The following ALDH16A1 variants were observed in gnomAD, a reference collection of about 807,000 sequenced individuals.
ALDH16A1 encodes aldehyde dehydrogenase family 16 member A1.
A neutral mutation model predicts 96.1 loss-of-function variants in ALDH16A1; 88 were observed. The observed-to-expected ratio is 0.92, with a 90% CI of 0.77 to 1.09. The LOEUF is 1.09. ALDH16A1 is among the 50% of genes least tolerant of loss of function. The probability of loss-of-function intolerance (pLI) is 0.00; values close to 1 mark genes in which losing one functional copy is unlikely to be tolerated. For synonymous variants in ALDH16A1, 522 were observed against 496.4 expected (o/e 1.05, Z -0.69); for missense variants, 1,250 against 1,112.6 (o/e 1.12, Z -1.76).
rs1321415833 is a variant in ALDH16A1, at chr19:49,458,978, G to T, written c.212G>T (p.Cys71Phe). 1 of 1,613,176 alleles carries T rather than the reference G, an allele frequency of 6.2e-7. No individual in the cohort carries two copies. Among genetic ancestry groups the T allele is most frequent in the African/African-American group, 1.3e-5 (1 of 75,030 alleles). The change falls in exon 3 of 17, where the codon TGC becomes TTC. Residue 71 changes from cysteine (C) to phenylalanine (F), a missense_variant. Coordinates refer to ENST00000293350, the MANE Select transcript of ALDH16A1 (RefSeq NM_153329.4). ...DPITGENLAS[C>F]LQAQAEDVAA... ...TCCCCAGGAGAGAACTTGGCCAGTT[G>T]CCTGCAGGCACAGGCCGAGGATGTG...
chr19:49,454,031 G>GTTTTTTTTTTTTTTTTTTT (rs3033555), intron 1 of ALDH16A1, among the ~76,000 whole-genome samples: 2 of 135,184 alleles, frequency 1.5e-5, no homozygotes, highest in Non-Finnish European at 3.1e-5. Context: ...TTTTTTTTTT[G>GTTTTTTTTTTTTTTTTTTT]TTTTTTTTTT....
rs1053483408 is a variant in ALDH16A1, at chr19:49,468,021, A to G, written c.1939-360A>G. ...TACAAAAAAAAAAAATTAGCCGGGC[A>G]TGGTGGCAGGTGCCTGTAGTCTCAG... is the stretch of plus-strand genomic sequence containing the variant. On this transcript the variant is annotated intron_variant, in intron 14 of 16. Coordinates refer to ENST00000293350, the MANE Select transcript of ALDH16A1 (RefSeq NM_153329.4). The surrounding 1 kb of genome is among the most constrained non-coding windows in gnomAD (Gnocchi z 4.4). Among the ~76,000 whole-genome samples the G allele has an allele frequency of 3.3e-5, 5 of 151,726 alleles. No individual in the cohort carries two copies. The highest frequency in any genetic ancestry group is 9.7e-5 in the African/African-American group (4 of 41,404).
intron 1 of ALDH16A1, among the ~76,000 whole-genome samples, chr19:49,458,277 T>G (rs1166072846): frequency 6.6e-6 from 1 of 152,244 alleles, no homozygotes. Flanking sequence ...CACAACACTG[T>G]AAATGCACAG....
At chr19:49,465,083 G>T (rs1047746220) in intron 12 of ALDH16A1, among the ~76,000 whole-genome samples, 9 of 151,228 alleles carry the variant, frequency 6.0e-5, no homozygotes. Flanking sequence ...GCTCATGGGA[G>T]CAGAAACTTG....
At chr19:49,467,544 A>T (rs1272748118) in intron 14 of ALDH16A1, among the ~76,000 whole-genome samples, 1 of 150,230 alleles carries the variant, frequency 6.7e-6, no homozygotes, top group East Asian at 2.0e-4. Flanking sequence ...ACAGGTGCCC[A>T]CCACCACACC....
Position 49,466,247 on chromosome 19 carries a change from G to A in ALDH16A1, c.1902G>A (p.Trp634Ter). The A allele has an allele frequency of 2.0e-6, 3 of 1,481,802 alleles. No homozygotes were observed. The highest frequency in any genetic ancestry group is 2.7e-5 in the South Asian group (2 of 72,844). 91.8% of individuals were successfully genotyped at this position (1,481,802 alleles called of 1,614,324 possible). A position where few individuals can be genotyped will look rare whatever the true frequency, so the allele number is the denominator to read the frequency against. Residue 634 changes from tryptophan (W) to a stop codon, truncating the protein, a stop_gained, in exon 14 of 17, where the codon TGG (tryptophan) becomes TGA (stop). Transcript: ENST00000293350. LOFTEE classifies it high-confidence loss of function. The part of the protein sequence containing the change: ...VELSARRLRA[W>*]GARVQAQGHT... The stretch of plus-strand genomic sequence containing the variant: ...TGAGCGCAAGACGACTTCGGGCGTG[G>A]GGGGCCCGGGTGCAGGCCCAAGGCC...
At position 49,462,595 on chromosome 19, in the gene ALDH16A1, A is replaced by C. The variant is rs761695609; in HGVS notation, c.938A>C (p.Glu313Ala). ...GPGGLRLLIQ[E>A]SVWDEAMRRL... The stretch of plus-strand genomic sequence containing the variant: ...GGTGGCCTCAGGCTCCTCATCCAGG[A>C]GTCTGTGTGGGATGAAGCCATGAGA... The change falls in exon 8 of 17, where the codon GAG (glutamate) becomes GCG (alanine). Residue 313 changes from glutamate (E) to alanine (A), a missense_variant. Glu to Ala is a moderately radical substitution (Grantham distance 107, BLOSUM62 -1). Coordinates refer to ENST00000293350, the MANE Select transcript of ALDH16A1 (RefSeq NM_153329.4). 28 of 1,612,750 alleles carry C rather than the reference A, an allele frequency of 1.7e-5. No individual in the cohort carries two copies. Among genetic ancestry groups the C allele is most frequent in the Non-Finnish European group, 2.3e-5 (27 of 1,179,894 alleles).
rs755693157 is a variant in ALDH16A1, at chr19:49,463,935, T to G, written c.1180T>G (p.Cys394Gly). 2 of 1,610,224 alleles carry G rather than the reference T, an allele frequency of 1.2e-6. No individual in the cohort carries two copies. The highest frequency in any genetic ancestry group is 1.1e-5 in the South Asian group (1 of 90,566). ...LVSNLPPASP[C>G]AQVEVPWPVV... ...CTCCAACCTGCCCCCAGCCTCCCCATGTGCCCAGGTGGAGGTGAGACCCTT... is the reference window on the plus strand; with the variant it reads ...CTCCAACCTGCCCCCAGCCTCCCCAGGTGCCCAGGTGGAGGTGAGACCCTT... Residue 394 changes from cysteine to glycine, a missense_variant, in exon 9 of 17, where the codon TGT (cysteine) becomes GGT (glycine). Physicochemically the swap from Cys to Gly is radical, Grantham distance 159 (BLOSUM62 -3). Coordinates refer to ENST00000293350, the MANE Select transcript of ALDH16A1 (RefSeq NM_153329.4).
chr19:49,462,254 C>T (rs1391875304), intron 7 of ALDH16A1, among the ~76,000 whole-genome samples: 2 of 82,000 alleles, frequency 2.4e-5, no homozygotes, highest in Non-Finnish European at 5.3e-5. Context: ...GCTGCCTCAG[C>T]CTCCCGAGTA....
At chr19:49,465,983 G>A in intron 13 of ALDH16A1, 78 bp downstream of exon 13, 16 of 1,551,918 alleles carry the variant, frequency 1.0e-5, no homozygotes, top group Non-Finnish European at 1.4e-5. Flanking sequence ...TGGTGGACTG[G>A]GAGGCTGGGC....
Position 49,461,820 on chromosome 19 carries a change from C to A in ALDH16A1, c.759+20C>A. The A allele has an allele frequency of 6.2e-7, 1 of 1,606,332 alleles. No homozygotes were observed. The highest frequency in any genetic ancestry group is 8.5e-7 in the Non-Finnish European group (1 of 1,176,748). ...CCGGAGGTACCTTCGGGACAGGGGT[C>A]GTGGCGGAACGCGGCTGGGGGCCGC... On this transcript the variant is annotated intron_variant, in intron 6 of 16. Transcript: ENST00000293350.
rs1227360287 is a variant in ALDH16A1, at chr19:49,465,750, C to G, written c.1581C>G (p.Pro527=). ...CACCCTACTCCAGCCCAGCACCCCC[C>G]TATGGGCTCTTCGTTGGGGGCCGTT... The part of the protein sequence containing the change: ...GPEIGPSPAP[P]YGLFVGGRFQ... The change falls in exon 13 of 17, where the codon CCC becomes CCG. Residue 527 remains proline (P), a synonymous_variant. Coordinates refer to ENST00000293350, the MANE Select transcript of ALDH16A1 (RefSeq NM_153329.4). 6.2e-7 allele frequency: 1 copy of G among 1,613,614 alleles called. No homozygotes were observed. The highest frequency in any genetic ancestry group is 1.3e-5 in the African/African-American group (1 of 74,932).
intron 1 of ALDH16A1, among the ~76,000 whole-genome samples, chr19:49,458,242 T>C (rs1308248721): frequency 6.6e-6 from 1 of 151,964 alleles, no homozygotes; most frequent in East Asian, 1.9e-4. Flanking sequence ...GAAAAAATGT[T>C]CTAGAACTAG....
chr19:49,468,343 G>A lies in ALDH16A1; in HGVS notation c.1939-38G>A, dbSNP rs1229778903. The A allele has an allele frequency of 1.3e-6, 2 of 1,584,928 alleles. No individual in the cohort carries two copies. Among genetic ancestry groups the A allele is most frequent in the South Asian group, 2.2e-5 (2 of 89,862 alleles). On this transcript the variant is annotated intron_variant, in intron 14 of 16. Transcript: ENST00000293350. The surrounding 1 kb of genome is among the most constrained non-coding windows in gnomAD (Gnocchi z 4.4). Reference sequence around the variant, plus strand: ...GGATCTCTCATTTACTGCGGGCGGGGCTCCCCTGCCCCACACGTGACCCAC... The same window carrying A: ...GGATCTCTCATTTACTGCGGGCGGGACTCCCCTGCCCCACACGTGACCCAC...
rs1601039806 is a variant in ALDH16A1, at chr19:49,466,219, A to G, written c.1874A>G (p.Glu625Gly). 6.6e-7 allele frequency: 1 copy of G among 1,521,058 alleles called. No individual in the cohort carries two copies. Among genetic ancestry groups the G allele is most frequent in the Non-Finnish European group, 8.8e-7 (1 of 1,135,320 alleles). The allele number at this position is 1,521,058 out of a possible 1,614,324, so 94.2% of individuals were successfully genotyped here. Residue 625 changes from glutamate (E) to glycine (G), a missense_variant, in exon 14 of 17, where the codon GAG (glutamate) becomes GGG (glycine). By Grantham distance (98) the Glu-to-Gly change is moderately conservative. Coordinates refer to ENST00000293350, the MANE Select transcript of ALDH16A1 (RefSeq NM_153329.4). The stretch of plus-strand genomic sequence containing the variant: ...CTCAAGGCTGCGGAGGCGGAGGTGG[A>G]GCTGAGCGCAAGACGACTTCGGGCG... ...AELKAAEAEV[E>G]LSARRLRAWG... is the part of the protein sequence containing the mutation.
rs186613121 is a variant in ALDH16A1 at position 49,459,537 on chromosome 19, C to A, written c.321-133C>A. The A allele has an allele frequency of 7.2e-5, 73 of 1,017,012 alleles. No individual in the cohort carries two copies. The highest frequency in any genetic ancestry group is 1.5e-5 in the Non-Finnish European group (11 of 721,560). The allele number at this position is 1,017,012 out of a possible 1,614,324, so 63.0% of individuals were successfully genotyped here. ...TATAATTCTCATAAATCTTCACTGC[C>A]CTCTGCCCCAGGTAAATGGTGGGGA... On this transcript the variant is annotated intron_variant, in intron 3 of 16. Transcript: ENST00000293350. This position sits in a 1 kb window ranked among gnomAD's most constrained non-coding sequence, Gnocchi z 4.1.
rs1370849901 is a variant in ALDH16A1 at position 49,464,657 on chromosome 19, C to T, written c.1463C>T (p.Ser488Leu). ...PDGLYEYLRP[S>L]GTPARLSCLS... ...GGGCTGTATGAGTATCTGCGGCCCTCAGGGACCCCTGCCCGGCTGTCCTGC... is the reference window on the plus strand; with the variant it reads ...GGGCTGTATGAGTATCTGCGGCCCTTAGGGACCCCTGCCCGGCTGTCCTGC... The change falls in exon 12 of 17, where the codon TCA becomes TTA. Residue 488 changes from serine to leucine, a missense_variant. Ser to Leu is a moderately radical substitution (Grantham distance 145, BLOSUM62 -2). Coordinates refer to ENST00000293350, the MANE Select transcript of ALDH16A1 (RefSeq NM_153329.4). 1.2e-6 allele frequency: 2 copies of T among 1,614,180 alleles called. No individual in the cohort carries two copies. The highest frequency in any genetic ancestry group is 1.7e-6 in the Non-Finnish European group (2 of 1,180,024).
Position 49,459,186 on chromosome 19 carries a change from T to C in ALDH16A1, c.320+100T>C, listed in dbSNP as rs1417771035. 1.1e-5 allele frequency: 16 copies of C among 1,509,070 alleles called. No homozygotes were observed. The highest frequency in any genetic ancestry group is 1.4e-5 in the Non-Finnish European group (16 of 1,128,990). 93.5% of individuals were successfully genotyped at this position (1,509,070 alleles called of 1,614,324 possible). A position where few individuals can be genotyped will look rare whatever the true frequency, so the allele number is the denominator to read the frequency against. On this transcript the variant is annotated intron_variant, in intron 3 of 16. Coordinates refer to ENST00000293350, the MANE Select transcript of ALDH16A1 (RefSeq NM_153329.4). The surrounding 1 kb of genome is among the most constrained non-coding windows in gnomAD (Gnocchi z 4.1). ...ATTTCCCAAGATCCCACTGAATTAA[T>C]TTGCAGCTAAGGCTCAGATTCCCAG... is the stretch of plus-strand genomic sequence containing the variant.
chr19:49,457,821 G>T (rs1487111557), intron 1 of ALDH16A1, among the ~76,000 whole-genome samples: 1 of 151,876 alleles, frequency 6.6e-6, no homozygotes, highest in African/African-American at 2.4e-5. Flanking sequence ...ATGTTGCCCA[G>T]GCTGGTCTTG....
Sources: gnomAD v4.1 joint callset for allele counts (sites outside exome capture counted in the v4.1 genomes callset) on GRCh38, gnomAD v4.1.1 for gene constraint, Gnocchi (gnomAD v3.1) non-coding constraint, MANE v1.5 for transcripts, NCBI Gene and HGNC (gene_info 2026-07-23, HGNC 2026-07-21) for gene names.